The following CFAP221 variants were observed in gnomAD, a reference collection of about 807,000 sequenced individuals.
The protein encoded by CFAP221 is cilia and flagella associated protein 221.
A neutral mutation model predicts 113.1 loss-of-function variants in CFAP221; 97 were observed. That is an observed-to-expected ratio of 0.86 (90% confidence interval 0.73 to 1.02). CFAP221 has a LOEUF of 1.02. Ranked by LOEUF, CFAP221 falls within the 50% of genes least tolerant of loss-of-function variation. The probability of loss-of-function intolerance (pLI) is 0.00; values close to 1 mark genes in which losing one functional copy is unlikely to be tolerated. For missense variants in CFAP221, 1,025 were observed against 1,013.4 expected (o/e 1.01, Z -0.16); for synonymous variants, 331 against 354.4 (o/e 0.93, Z 0.74).
intron 6 of CFAP221, among the ~76,000 whole-genome samples, chr2:119,579,639 G>A (rs931394271): frequency 6.6e-6 from 1 of 152,178 alleles, no homozygotes; most frequent in African/African-American, 2.4e-5. Context: ...GGAATTTTGT[G>A]CCCTTAAGGA....
chr2:119,638,900 G>A (rs1481025172), intron 20 of CFAP221, among the ~76,000 whole-genome samples: 3 of 151,960 alleles, frequency 2.0e-5, no homozygotes, highest in African/African-American at 7.3e-5. Context: ...GGCCCTTCAA[G>A]CTCAATTAAC....
At chr2:119,601,899 C>T (rs1343898075) in intron 8 of CFAP221, among the ~76,000 whole-genome samples, 1 of 152,158 alleles carries the variant, frequency 6.6e-6, no homozygotes, top group East Asian at 1.9e-4. Context: ...GTTTGAAAAA[C>T]ACGGGAGGTT....
intron 23 of CFAP221, among the ~76,000 whole-genome samples, chr2:119,654,405 C>CT (rs879942188): frequency 1.7e-4 from 23 of 138,800 alleles, no homozygotes; most frequent in South Asian, 2.3e-4. Context: ...AAATGAAAAC[C>CT]TTTTTTTTTT....
chr2:119,614,020 C>T (rs147745255), intron 13 of CFAP221, among the ~76,000 whole-genome samples: 30 of 152,322 alleles, frequency 2.0e-4, no homozygotes, highest in African/African-American at 6.3e-4. Flanking sequence ...CTGCCAGATA[C>T]CTAAATCATC....
intron 3 of CFAP221, among the ~76,000 whole-genome samples, chr2:119,555,316 T>C (rs1680715640): frequency 6.6e-6 from 1 of 152,110 alleles, no homozygotes; most frequent in Non-Finnish European, 1.5e-5. Flanking sequence ...GAACAGAGAT[T>C]CCGGAGGGAC....
intron 3 of CFAP221, among the ~76,000 whole-genome samples, chr2:119,552,725 C>A (rs1329508576): frequency 1.2e-4 from 8 of 68,966 alleles, no homozygotes; most frequent in African/African-American, 1.8e-4. Context: ...ATATTTCTTT[C>A]TTTAATAAGA....
intron 14 of CFAP221, among the ~76,000 whole-genome samples, chr2:119,617,478 G>C (rs1282336766): frequency 6.6e-6 from 1 of 152,356 alleles, no homozygotes; most frequent in Admixed American, 6.5e-5. Flanking sequence ...GACTGGCCAG[G>C]CTGGCTTGTT....
intron 6 of CFAP221, among the ~76,000 whole-genome samples, chr2:119,575,394 T>G (rs895338327): frequency 6.6e-6 from 1 of 152,108 alleles, no homozygotes; most frequent in African/African-American, 2.4e-5. Flanking sequence ...CCTTCCTCCA[T>G]GTTATCTGCA....
At chr2:119,649,022 G>A (rs1194371665) in intron 22 of CFAP221, among the ~76,000 whole-genome samples, 1 of 152,232 alleles carries the variant, frequency 6.6e-6, no homozygotes, top group Non-Finnish European at 1.5e-5. Context: ...GCCTTGAAGT[G>A]AGTGAAGGAA....
intron 6 of CFAP221, among the ~76,000 whole-genome samples, chr2:119,570,652 C>T (rs1681980645): frequency 6.6e-6 from 1 of 152,202 alleles, no homozygotes; most frequent in Non-Finnish European, 1.5e-5. Context: ...ATTTCTTTCA[C>T]TTTGCAATCA....
chr2:119,628,154 G>A (rs1574176941), intron 16 of CFAP221, among the ~76,000 whole-genome samples: 1 of 152,190 alleles, frequency 6.6e-6, no homozygotes, highest in Non-Finnish European at 1.5e-5. Context: ...CCCTTCTGCT[G>A]CCTGGGCAAA....
intron 6 of CFAP221, among the ~76,000 whole-genome samples, chr2:119,572,083 G>T (rs1035192727): frequency 6.6e-6 from 1 of 152,216 alleles, no homozygotes; most frequent in Non-Finnish European, 1.5e-5. Flanking sequence ...GTATGTATTC[G>T]TCAGATGCAT....
At chr2:119,618,933 A>G (rs1685703728) in intron 14 of CFAP221, among the ~76,000 whole-genome samples, 1 of 152,190 alleles carries the variant, frequency 6.6e-6, no homozygotes, top group Non-Finnish European at 1.5e-5. Flanking sequence ...AGGCTTGAGT[A>G]GGCGATTTTC....
intron 6 of CFAP221, among the ~76,000 whole-genome samples, chr2:119,580,025 T>C (rs144150196): frequency 1.3e-5 from 2 of 152,302 alleles, no homozygotes; most frequent in East Asian, 3.9e-4. Context: ...CAAGGCCTGC[T>C]TAGGTTCTGA....
Position 119,546,208 on chromosome 2 carries a change from TGAA to T in CFAP221, c.81_83del (p.Lys27del). On this transcript the variant is annotated inframe_deletion, in exon 2 of 24. Coordinates refer to ENST00000413369, the MANE Select transcript of CFAP221 (RefSeq NM_001271049.2). ...TTTAATAATGCATCACCCCATCTCT[TGAA>T]GAACCTAGTGGAGGAGCCGAAAAAA... is the stretch of plus-strand genomic sequence containing the variant. 1 of 1,535,844 alleles carries T rather than the reference TGAA, an allele frequency of 6.5e-7. No homozygotes were observed. Among genetic ancestry groups the T allele is most frequent in the Non-Finnish European group, 8.7e-7 (1 of 1,146,792 alleles).
chr2:119,615,785 T>G (rs758688106), intron 14 of CFAP221, 76 bp downstream of exon 14: 59 of 1,088,890 alleles, frequency 5.4e-5, no homozygotes, highest in Non-Finnish European at 7.6e-5. Flanking sequence ...GGTGGTTTGA[T>G]AACACCTTTA....
rs562643098 is a variant in CFAP221, at chr2:119,590,093, G to A, written c.631+2871G>A. On this transcript the variant is annotated intron_variant, in intron 7 of 23. Coordinates refer to ENST00000413369, the MANE Select transcript of CFAP221 (RefSeq NM_001271049.2). ...ATTCCCTTGTTGTCACAAATGCTAG[G>A]GAAGAATGCATCTAACTCATATAAA... 4 of 152,238 alleles carry A rather than the reference G, an allele frequency of 2.6e-5. No individual in the cohort carries two copies. In the South Asian group the frequency reaches 8.3e-4, roughly 32 times the overall value. 9.4% of individuals were successfully genotyped at this position (152,238 alleles called of 1,614,324 possible).
intron 14 of CFAP221, among the ~76,000 whole-genome samples, chr2:119,623,059 G>A (rs575950956): frequency 1.3e-4 from 20 of 152,222 alleles, no homozygotes; most frequent in Admixed American, 6.5e-4. Context: ...ATTCAAATAG[G>A]AAGAGAGGAA....
At chr2:119,627,625 C>G (rs1686406410) in intron 15 of CFAP221, 28 bp from the exon 16 acceptor site, 1 of 1,610,428 alleles carries the variant, frequency 6.2e-7, no homozygotes, top group Non-Finnish European at 8.5e-7. Flanking sequence ...TTAGTACCCC[C>G]TAAAAGTGCC....
Sources: allele counts gnomAD v4.1 joint callset (sites outside exome capture counted in the v4.1 genomes callset), GRCh38; gene constraint gnomAD v4.1.1; transcripts MANE v1.5; gene names NCBI Gene and HGNC (gene_info 2026-07-23, HGNC 2026-07-21).